Variants in RAP1GDS1 observed in about 807,000 individuals in gnomAD.
The protein encoded by RAP1GDS1 is RAP1, GTP-GDP dissociation stimulator 1.
RAP1GDS1 carries 35 observed loss-of-function variants against 71.1 expected under a neutral mutation model. That is an observed-to-expected ratio of 0.49 (90% CI 0.38 to 0.65). The LOEUF is 0.65. RAP1GDS1 is among the 30% of genes least tolerant of loss of function. RAP1GDS1 has a pLI of 0.00. For missense variants in RAP1GDS1, 663 were observed against 706.1 expected (o/e 0.94, Z 0.69); for synonymous variants, 229 against 243.1 (o/e 0.94, Z 0.54).
chr4:98,420,839 TA>T (rs1748745056), intron 11 of RAP1GDS1, among the ~76,000 whole-genome samples: 1 of 152,202 alleles, frequency 6.6e-6, no homozygotes, highest in Non-Finnish European at 1.5e-5. Context: ...AAAAATTTTT[TA>T]AATTTGTCTT....
intron 1 of RAP1GDS1, among the ~76,000 whole-genome samples, chr4:98,290,805 C>T (rs905012678): frequency 6.6e-6 from 1 of 151,950 alleles, no homozygotes; most frequent in Non-Finnish European, 1.5e-5. Flanking sequence ...TTGATAGGGA[C>T]ATAAAGCAAG....
intron 1 of RAP1GDS1, among the ~76,000 whole-genome samples, chr4:98,268,742 T>G (rs1723033068): frequency 6.6e-6 from 1 of 152,026 alleles, no homozygotes; most frequent in Non-Finnish European, 1.5e-5. Flanking sequence ...TATAAAATAT[T>G]TAGGAATAGA....
intron 12 of RAP1GDS1, 100 bp from the exon 13 acceptor site, chr4:98,433,836 C>T: frequency 2.7e-6 from 3 of 1,127,032 alleles, no homozygotes; most frequent in Non-Finnish European, 2.5e-6. Flanking sequence ...TCATACAGGA[C>T]ACTGTCGCAA....
intron 2 of RAP1GDS1, among the ~76,000 whole-genome samples, chr4:98,313,448 A>G (rs905301309): frequency 6.6e-6 from 1 of 152,220 alleles, no homozygotes; most frequent in Admixed American, 6.5e-5. Context: ...CAGAAGTGGA[A>G]TATACATTTC....
chr4:98,336,683 G>A (rs1734758390), intron 2 of RAP1GDS1, among the ~76,000 whole-genome samples: 1 of 151,766 alleles, frequency 6.6e-6, no homozygotes, highest in Non-Finnish European at 1.5e-5. Context: ...TTCTTCACTA[G>A]GGGAAGAAAG....
chr4:98,284,977 C>T (rs1725762473), intron 1 of RAP1GDS1, among the ~76,000 whole-genome samples: 1 of 152,136 alleles, frequency 6.6e-6, no homozygotes, highest in African/African-American at 2.4e-5. Context: ...TGAGACTCTG[C>T]ATCAAGGCTG....
intron 12 of RAP1GDS1, among the ~76,000 whole-genome samples, chr4:98,432,081 G>T (rs1229623167): frequency 6.6e-6 from 1 of 151,810 alleles, no homozygotes; most frequent in Non-Finnish European, 1.5e-5. Flanking sequence ...ATCCCTCCCC[G>T]CTCCCCCCAT....
At chr4:98,271,817 G>C (rs1560750749) in intron 1 of RAP1GDS1, among the ~76,000 whole-genome samples, 1 of 152,144 alleles carries the variant, frequency 6.6e-6, no homozygotes, top group Non-Finnish European at 1.5e-5. Flanking sequence ...ACAATTCTAT[G>C]AAGTAGGTGA....
chr4:98,337,782 A>G (rs1264676395), intron 2 of RAP1GDS1, among the ~76,000 whole-genome samples: 1 of 152,188 alleles, frequency 6.6e-6, no homozygotes, highest in African/African-American at 2.4e-5. Context: ...ATGTGCAGAA[A>G]GGAGTTATGA....
At chr4:98,267,596 A>T (rs1320737611) in intron 1 of RAP1GDS1, among the ~76,000 whole-genome samples, 1 of 152,102 alleles carries the variant, frequency 6.6e-6, no homozygotes, top group Non-Finnish European at 1.5e-5. Context: ...AACATGTGGT[A>T]TTTGGATTTC....
At chr4:98,274,387 T>C (rs1159341700) in intron 1 of RAP1GDS1, among the ~76,000 whole-genome samples, 4 of 152,164 alleles carry the variant, frequency 2.6e-5, no homozygotes, top group African/African-American at 7.2e-5. Context: ...TGAGAATAAA[T>C]GAAGTTCACT....
rs536925314 is a variant in RAP1GDS1, at chr4:98,281,254, T to C, written c.5-12154T>C. Among the ~76,000 whole-genome samples, 6 of 152,312 alleles carry C rather than the reference T, an allele frequency of 3.9e-5. No homozygotes were observed. In the East Asian group the frequency reaches 9.6e-4, roughly 24 times the overall value. On this transcript the variant is annotated intron_variant, in intron 1 of 14. Coordinates refer to ENST00000408927, the MANE Select transcript of RAP1GDS1 (RefSeq NM_001100427.2). ...TTGTCCTATCCATGAGCATAGAATGTTCTTCCATTTTTTTGTGTCCTCTTT... is the reference window on the plus strand; with the variant it reads ...TTGTCCTATCCATGAGCATAGAATGCTCTTCCATTTTTTTGTGTCCTCTTT...
chr4:98,263,572 C>T (rs1021366728), intron 1 of RAP1GDS1, among the ~76,000 whole-genome samples: 5 of 152,274 alleles, frequency 3.3e-5, no homozygotes, highest in African/African-American at 9.6e-5. Flanking sequence ...TTAGCACTTA[C>T]GTAATCTACC....
chr4:98,360,971 C>T (rs557116197), intron 4 of RAP1GDS1, among the ~76,000 whole-genome samples: 1 of 151,696 alleles, frequency 6.6e-6, no homozygotes, highest in South Asian at 2.1e-4. Flanking sequence ...ACCTGTAATT[C>T]CAGCTTTGGG....
chr4:98,359,918 G>C (rs890777400), intron 4 of RAP1GDS1, among the ~76,000 whole-genome samples: 1 of 152,178 alleles, frequency 6.6e-6, no homozygotes, highest in Non-Finnish European at 1.5e-5. Context: ...TACTCAGATA[G>C]TTTATTATCA....
chr4:98,269,574 A>G (rs1723166473), intron 1 of RAP1GDS1, among the ~76,000 whole-genome samples: 1 of 152,174 alleles, frequency 6.6e-6, no homozygotes, highest in South Asian at 2.1e-4. Context: ...CGTATATCCG[A>G]TTAGGGGTTA....
intron 1 of RAP1GDS1, among the ~76,000 whole-genome samples, chr4:98,264,470 C>T (rs536712949): frequency 6.6e-6 from 1 of 151,982 alleles, no homozygotes; most frequent in South Asian, 2.1e-4. Flanking sequence ...TCCTATATAA[C>T]TTTATGGCCA....
At chr4:98,325,238 G>T (rs1288927091) in intron 2 of RAP1GDS1, among the ~76,000 whole-genome samples, 1 of 151,252 alleles carries the variant, frequency 6.6e-6, no homozygotes, top group Non-Finnish European at 1.5e-5. Flanking sequence ...TCTCACACCA[G>T]TTAGAATGGC....
chr4:98,432,661 TA>T (rs1561012446), intron 12 of RAP1GDS1, among the ~76,000 whole-genome samples: 1 of 152,212 alleles, frequency 6.6e-6, no homozygotes, highest in Non-Finnish European at 1.5e-5. Flanking sequence ...GCAAACCCTT[TA>T]AAAATATTTT....
Sources: gnomAD v4.1 joint callset for allele counts (sites outside exome capture counted in the v4.1 genomes callset) on GRCh38, gnomAD v4.1.1 for gene constraint, MANE v1.5 for transcripts, NCBI Gene and HGNC (gene_info 2026-07-23, HGNC 2026-07-21) for gene names.